CSF2RA: variants seen among roughly 807,000 people sequenced by gnomAD.
The protein encoded by CSF2RA is colony stimulating factor 2 receptor subunit alpha.
CSF2RA carries 42 observed loss-of-function variants against 51.6 expected under a neutral mutation model. The ratio of observed to expected loss-of-function variants is 0.81; its 90% confidence interval spans 0.64 to 1.05. The LOEUF is 1.05. Ranked by LOEUF, CSF2RA falls within the 50% of genes least tolerant of loss-of-function variation. CSF2RA has a pLI of 0.00. For synonymous variants in CSF2RA, 222 were observed against 193.0 expected (o/e 1.15, Z -1.24); for missense variants, 530 against 501.1 (o/e 1.06, Z -0.55).
intron 7 of CSF2RA, among the ~76,000 whole-genome samples, chrX:1,291,435 C>T (rs1260024616): frequency 2.7e-5 from 4 of 150,388 alleles, no homozygotes; most frequent in South Asian, 2.1e-4. Context: ...CTCCTTCCTT[C>T]CTCTTTTTCT....
the CSF2RA span, among the ~76,000 whole-genome samples, chrX:1,318,485 T>A: frequency 2.6e-5 from 4 of 151,124 alleles, no homozygotes; most frequent in African/African-American, 9.7e-5. Flanking sequence ...TTGTCTCCAC[T>A]GGCCAAAGGG....
At chrX:1,310,560 C>T (rs746252567), downstream of CSF2RA, among the ~76,000 whole-genome samples, 5 of 148,392 alleles carry the variant, frequency 3.4e-5, no homozygotes, top group East Asian at 2.0e-4. Context: ...CCCAGCTACT[C>T]GGGAGGCTGA....
In CSF2RA at chrX:1,270,435, C is replaced by T. The variant is rs1275722008; in HGVS notation, c.-91+1556C>T. Among the ~76,000 whole-genome samples, 7 of 152,026 alleles carry T rather than the reference C, an allele frequency of 4.6e-5. No homozygotes were observed. In the East Asian group the frequency reaches 1.2e-3, roughly 25 times the overall value. On this transcript the variant is annotated intron_variant, in intron 1 of 12. Coordinates refer to ENST00000381529, the MANE Select transcript of CSF2RA (RefSeq NM_172245.4). ...TGTATTTTTGTAGGGACGAGGGTTT[C>T]ACTGTGTTTCCCGGGCTGGTCTTGA...
the CSF2RA span, among the ~76,000 whole-genome samples, chrX:1,321,990 C>T: frequency 1.1e-3 from 174 of 152,120 alleles, no homozygotes; most frequent in African/African-American, 4.1e-3. Context: ...ACAAAATTAC[C>T]CCGGCATGGT....
chrX:1,289,029 T>G, intron 6 of CSF2RA, 141 bp downstream of exon 6: 1 of 1,144,530 alleles, frequency 8.7e-7, no homozygotes, highest in Non-Finnish European at 1.3e-6. Context: ...TGGTGCCACC[T>G]CGGCTCACTG....
chrX:1,294,958 G>C (rs2091783348), intron 8 of CSF2RA, among the ~76,000 whole-genome samples: 1 of 150,556 alleles, frequency 6.6e-6, no homozygotes, highest in South Asian at 2.1e-4. Flanking sequence ...AGTGTAGACA[G>C]GGAGAGAGAC....
intron 2 of CSF2RA, among the ~76,000 whole-genome samples, chrX:1,279,996 G>A (rs2089687851): frequency 6.6e-6 from 1 of 151,820 alleles, no homozygotes; most frequent in South Asian, 2.1e-4. Context: ...CACCGTATTA[G>A]CCAAGCTGGT....
At chrX:1,307,488 G>C (rs1160747531) in intron 12 of CSF2RA, among the ~76,000 whole-genome samples, 1 of 150,130 alleles carries the variant, frequency 6.7e-6, no homozygotes, top group African/African-American at 2.5e-5. Context: ...ACTTTCAACT[G>C]ATTAAATGAG....
intron 2 of CSF2RA, among the ~76,000 whole-genome samples, chrX:1,279,735 G>A (rs1406199859): frequency 6.6e-6 from 1 of 151,768 alleles, no homozygotes; most frequent in South Asian, 2.1e-4. Context: ...CTCTTAGCAA[G>A]CGAGGTTCCT....
chrX:1,294,532 G>GA, intron 8 of CSF2RA, 71 bp downstream of exon 8: 1 of 1,599,404 alleles, frequency 6.3e-7, no homozygotes, highest in Non-Finnish European at 8.6e-7. Flanking sequence ...AGGAGCCTGG[G>GA]AATCCCGGGG....
At chrX:1,272,636 C>A (rs182387447) in intron 1 of CSF2RA, among the ~76,000 whole-genome samples, 12 of 147,618 alleles carry the variant, frequency 8.1e-5, no homozygotes, top group Middle Eastern at 3.9e-3. Flanking sequence ...TACAGGCACC[C>A]GCCACTACGC....
chrX:1,283,620 T>C (rs1464300574), intron 3 of CSF2RA, among the ~76,000 whole-genome samples: 1 of 151,372 alleles, frequency 6.6e-6, no homozygotes, highest in Non-Finnish European at 1.5e-5. Context: ...CAGGCTGGAG[T>C]GCAATGGCTC....
At chrX:1,311,045 C>T (rs1297228608), downstream of CSF2RA, among the ~76,000 whole-genome samples, 24 of 151,930 alleles carry the variant, frequency 1.6e-4, no homozygotes, top group African/African-American at 4.3e-4. Flanking sequence ...CTCATGAGTT[C>T]GAGACCAGCC....
rs200955947 is a variant in CSF2RA at position 1,300,557 on chromosome X, A to C, written c.877A>C (p.Ser293Arg). 46 of 1,613,932 alleles carry C rather than the reference A, an allele frequency of 2.9e-5. No homozygotes were observed. Among genetic ancestry groups the C allele is most frequent in the East Asian group, 6.7e-5 (3 of 44,884 alleles). Residue 293 changes from serine (S) to arginine (R), a missense_variant, in exon 10 of 13, where the codon AGT (serine) becomes CGT (arginine). Physicochemically the swap from Ser to Arg is moderately radical, Grantham distance 110. Coordinates refer to ENST00000381529, the MANE Select transcript of CSF2RA (RefSeq NM_172245.4). ...FPSSEPRAKH[S>R]VKIRAADVRI... ...AAGCTCTGAGCCCAGAGCAAAACACAGTGTGAAGATCAGAGCTGCAGACGT... is the reference window on the plus strand; with the variant it reads ...AAGCTCTGAGCCCAGAGCAAAACACCGTGTGAAGATCAGAGCTGCAGACGT...
At chrX:1,302,729 T>G (rs2083120943) in intron 10 of CSF2RA, among the ~76,000 whole-genome samples, 1 of 151,298 alleles carries the variant, frequency 6.6e-6, no homozygotes, top group South Asian at 2.1e-4. Flanking sequence ...AGTTTCGCTG[T>G]GTCACCCAGG....
rs1308901128 is a variant in CSF2RA at position 1,277,421 on chromosome X, C to A, written c.-27+2603C>A. On this transcript the variant is annotated intron_variant, in intron 2 of 12. Coordinates refer to ENST00000381529, the MANE Select transcript of CSF2RA (RefSeq NM_172245.4). ...GACCAGCCTGACCAACATGGTGAAA[C>A]CCCATCTCTACTAAAAATACAAAAA... 5.4e-5 allele frequency among the ~76,000 whole-genome samples: 8 copies of A among 148,548 alleles called. No individual in the cohort carries two copies. In the East Asian group the frequency reaches 1.7e-3, roughly 31 times the overall value.
intron 7 of CSF2RA, among the ~76,000 whole-genome samples, chrX:1,291,887 C>T (rs756438972): frequency 6.1e-5 from 9 of 147,960 alleles, no homozygotes; most frequent in East Asian, 4.0e-4. Context: ...CCCTACTCCA[C>T]GTCCACCTGG....
In CSF2RA at chrX:1,295,409, G is replaced by GT. The variant is rs1328324001; in HGVS notation, c.781-14dup. 2.5e-6 allele frequency: 4 copies of GT among 1,613,324 alleles called. No homozygotes were observed. The African/African-American group carries it at 5.3e-5, about 22-fold the overall frequency. ...ATGGAAACAGTGAGCCTTGTGTTGT[G>GT]TTTTGTTTTGTTTCTAGAATACCCA... On this transcript the variant is annotated splice_polypyrimidine_tract_variant and intron_variant, in intron 8 of 12. Coordinates refer to ENST00000381529, the MANE Select transcript of CSF2RA (RefSeq NM_172245.4).
intron 12 of CSF2RA, chrX:1,306,048 C>T: frequency 2.2e-6 from 1 of 446,992 alleles, no homozygotes; most frequent in South Asian, 2.3e-5. Flanking sequence ...CACCACTGCA[C>T]TCCAGCCTGG....
Sources: gnomAD v4.1 joint callset for allele counts (sites outside exome capture counted in the v4.1 genomes callset) on GRCh38, gnomAD v4.1.1 for gene constraint, MANE v1.5 for transcripts, NCBI Gene and HGNC (gene_info 2026-07-23, HGNC 2026-07-21) for gene names.